Variants in KIF18A observed in about 807,000 individuals in gnomAD.
The protein encoded by KIF18A is kinesin family member 18A, also known as kinesin-like protein KIF18A.
In KIF18A, 67 loss-of-function variants were observed where a neutral mutation model predicts 103.3. The ratio of observed to expected loss-of-function variants is 0.65; its 90% CI spans 0.53 to 0.79. The LOEUF (loss-of-function observed/expected upper bound fraction) is 0.79, where lower values mean the gene tolerates loss of function less well. KIF18A is among the 30% of genes least tolerant of loss of function. The pLI is 0.00. For synonymous variants in KIF18A, 367 were observed against 355.5 expected, an observed-to-expected ratio of 1.03 and a Z score of -0.36; for missense variants, 1,032 against 1,062.5, an observed-to-expected ratio of 0.97 and a Z score of 0.40.
intron 10 of KIF18A, among the ~76,000 whole-genome samples, chr11:28,074,247 C>T (rs546942382): frequency 3.3e-4 from 50 of 151,938 alleles, no homozygotes; most frequent in Middle Eastern, 3.4e-3. Context: ...TGGTACTATT[C>T]CAGAATTCTG....
intron 1 of KIF18A, among the ~76,000 whole-genome samples, chr11:28,102,914 A>G (rs985992681): frequency 2.0e-5 from 3 of 152,208 alleles, no homozygotes; most frequent in Non-Finnish European, 4.4e-5. Flanking sequence ...TGAATAAGGC[A>G]CAGAGAGAGT....
intron 3 of KIF18A, among the ~76,000 whole-genome samples, chr11:28,093,535 G>C (rs985742980): frequency 2.6e-5 from 4 of 152,078 alleles, no homozygotes; most frequent in Non-Finnish European, 4.4e-5. Context: ...ACCATTTGTT[G>C]ACTATTAAGA....
At chr11:28,078,608 C>A (rs1851125162) in intron 9 of KIF18A, among the ~76,000 whole-genome samples, 1 of 151,950 alleles carries the variant, frequency 6.6e-6, no homozygotes, top group Non-Finnish European at 1.5e-5. Flanking sequence ...AGTATCTGCA[C>A]CAATATTTTT....
In KIF18A at chr11:28,032,619, A is replaced by C. The variant is rs150221046; in HGVS notation, c.2504+2768T>G. Among the ~76,000 whole-genome samples, 10 of 152,124 alleles carry C rather than the reference A, an allele frequency of 6.6e-5. 1 individual carries two copies. In the East Asian group the frequency reaches 1.9e-3, roughly 30 times the overall value. On this transcript the variant is annotated intron_variant, in intron 15 of 16. Transcript: ENST00000263181. ...GCTGCCAAGAACATACATTGGGAAA[A>C]AAGATAGTCTCTTCAATAAACAGTG...
intron 13 of KIF18A, among the ~76,000 whole-genome samples, chr11:28,050,041 T>C (rs945384240): frequency 1.2e-4 from 18 of 151,808 alleles, no homozygotes; most frequent in Non-Finnish European, 2.4e-4. Context: ...GGAACTATTG[T>C]CCTAATACAT....
At chr11:28,067,074 A>G (rs1289239953) in intron 11 of KIF18A, among the ~76,000 whole-genome samples, 1 of 151,904 alleles carries the variant, frequency 6.6e-6, no homozygotes, top group African/African-American at 2.4e-5. Context: ...AAGTCATATA[A>G]TTATTGTTAG....
chr11:28,089,929 C>T (rs528171809), intron 5 of KIF18A, among the ~76,000 whole-genome samples: 25 of 152,106 alleles, frequency 1.6e-4, no homozygotes, highest in African/African-American at 4.8e-4. Context: ...TATTAATAAC[C>T]GAAGAGTTAG....
intron 10 of KIF18A, among the ~76,000 whole-genome samples, chr11:28,071,672 C>A (rs1174958786): frequency 2.0e-5 from 3 of 151,706 alleles, no homozygotes; most frequent in Non-Finnish European, 4.4e-5. Flanking sequence ...TTTTTAAAAG[C>A]AGAAAGGGGT....
chr11:28,083,012 T>C (rs1314923335), intron 8 of KIF18A, 44 bp from the exon 9 acceptor site: 3 of 1,467,754 alleles, frequency 2.0e-6, no homozygotes, highest in Non-Finnish European at 2.8e-6. Context: ...AGAAGTCATT[T>C]ACATGGCCAC....
intron 9 of KIF18A, 125 bp from the exon 10 acceptor site, chr11:28,077,294 C>T (rs1851106456): frequency 3.5e-6 from 2 of 579,606 alleles, no homozygotes; most frequent in African/African-American, 3.9e-5. Flanking sequence ...CAATGATAAA[C>T]AGCAAATAGG....
At chr11:28,090,878 C>T (rs991745649) in intron 4 of KIF18A, 151 bp from the exon 5 acceptor site, 7 of 585,434 alleles carry the variant, frequency 1.2e-5, no homozygotes, top group African/African-American at 1.9e-5. Flanking sequence ...GTCTCATCTG[C>T]TTAGTATTGT....
At chr11:28,073,145 C>T (rs186220582) in intron 10 of KIF18A, among the ~76,000 whole-genome samples, 6 of 152,074 alleles carry the variant, frequency 3.9e-5, no homozygotes, top group Non-Finnish European at 7.4e-5. Context: ...CAACTCCAGT[C>T]CATTCATTGT....
rs572504475 is a variant in KIF18A at position 28,083,503 on chromosome 11, C to T, written c.1075-260G>A. Among the ~76,000 whole-genome samples, 3 of 152,190 alleles carry T rather than the reference C, an allele frequency of 2.0e-5. No individual in the cohort carries two copies. The East Asian group carries it at 5.8e-4, about 29-fold the overall frequency. ...TATAATAAAATTCCCTACTTTCTTA[C>T]TCCTTTGACTTCTAAGTAATGCAGA... is the stretch of plus-strand genomic sequence containing the variant. On this transcript the variant is annotated intron_variant, in intron 7 of 16. Coordinates refer to ENST00000263181, the MANE Select transcript of KIF18A (RefSeq NM_031217.4).
At chr11:28,083,282 T>A in intron 7 of KIF18A, 39 bp from the exon 8 acceptor site, 1 of 1,517,530 alleles carries the variant, frequency 6.6e-7, no homozygotes. Context: ...TATAGAGAGA[T>A]AATAATCACA....
chr11:28,036,670 CA>C lies in KIF18A; in HGVS notation c.1949-7del, dbSNP rs753725745. On this transcript the variant is annotated splice_region_variant and splice_polypyrimidine_tract_variant and intron_variant, in intron 13 of 16. Coordinates refer to ENST00000263181, the MANE Select transcript of KIF18A (RefSeq NM_031217.4). ...AGTTCCACCTGAAGATGAGCCTATTCAAAAAAATAAAAAAAGACACTCGATA... is the reference window on the plus strand; with the variant it reads ...AGTTCCACCTGAAGATGAGCCTATTCAAAAAATAAAAAAAGACACTCGATA... 58 of 1,517,268 alleles carry C rather than the reference CA, an allele frequency of 3.8e-5. No homozygotes were observed. In the South Asian group the frequency reaches 6.8e-4, roughly 18 times the overall value. 94.0% of individuals were successfully genotyped at this position (1,517,268 alleles called of 1,614,324 possible).
chr11:28,046,272 A>G (rs1850632220), intron 13 of KIF18A, among the ~76,000 whole-genome samples: 1 of 150,040 alleles, frequency 6.7e-6, no homozygotes, highest in African/African-American at 2.4e-5. Flanking sequence ...CACTATTCAC[A>G]ATAGCAAAGA....
At chr11:28,045,056 C>T (rs952778456) in intron 13 of KIF18A, among the ~76,000 whole-genome samples, 1 of 151,980 alleles carries the variant, frequency 6.6e-6, no homozygotes, top group Non-Finnish European at 1.5e-5. Context: ...CATTCACTAT[C>T]TCTCAAATGT....
Position 28,059,164 on chromosome 11 carries a change from A to G in KIF18A, c.1713-3T>C, listed in dbSNP as rs771420204. On this transcript the variant is annotated splice_region_variant and splice_polypyrimidine_tract_variant and intron_variant, in intron 12 of 16. Coordinates refer to ENST00000263181, the MANE Select transcript of KIF18A (RefSeq NM_031217.4). Reference sequence around the variant, plus strand: ...TTGGAAGTAAAGCATTCAATACTCTATATACAGAAGATGAGAAGAAAGGAG... The same window carrying G: ...TTGGAAGTAAAGCATTCAATACTCTGTATACAGAAGATGAGAAGAAAGGAG... 6.3e-7 allele frequency: 1 copy of G among 1,581,820 alleles called. No individual in the cohort carries two copies. The highest frequency in any genetic ancestry group is 1.1e-5 in the South Asian group (1 of 89,794).
intron 10 of KIF18A, among the ~76,000 whole-genome samples, chr11:28,074,487 T>A (rs534208500): frequency 7.4e-4 from 113 of 152,132 alleles, no homozygotes; most frequent in African/African-American, 2.6e-3. Context: ...AACACAAAAT[T>A]GAAAAGAAAA....
Sources: allele counts gnomAD v4.1 joint callset (sites outside exome capture counted in the v4.1 genomes callset), GRCh38; gene constraint gnomAD v4.1.1; transcripts MANE v1.5; gene names NCBI Gene and HGNC (gene_info 2026-07-23, HGNC 2026-07-21).